Variants in ADAM7 observed in about 807,000 individuals in gnomAD.
ADAM7 encodes disintegrin and metalloproteinase domain-containing protein 7.
In ADAM7, 97 loss-of-function variants were observed where a neutral mutation model predicts 102.9. The ratio of observed to expected loss-of-function variants is 0.94; its 90% CI spans 0.80 to 1.12. ADAM7 has a LOEUF of 1.12. Ranked by LOEUF, ADAM7 falls within the 50% of genes most tolerant of loss-of-function variation. The pLI is 0.00. For missense variants in ADAM7, 991 were observed against 908.7 expected, an observed-to-expected ratio of 1.09 and a Z score of -1.16; for synonymous variants, 334 against 304.4, an observed-to-expected ratio of 1.10 and a Z score of -1.01.
intron 20 of ADAM7, chr8:24,506,061 T>C: frequency 1.3e-6 from 2 of 1,491,612 alleles, no homozygotes; most frequent in East Asian, 2.5e-5. Context: ...TTACTAGGAA[T>C]TGCAGGTTAA....
intron 7 of ADAM7, chr8:24,476,022 C>T (rs1477223615): frequency 2.2e-6 from 1 of 454,044 alleles, no homozygotes; most frequent in Middle Eastern, 3.3e-4. Context: ...TTGTGAACAC[C>T]AAGGACACAG....
chr8:24,471,323 A>G (rs1210635320), intron 7 of ADAM7, among the ~76,000 whole-genome samples: 1 of 152,102 alleles, frequency 6.6e-6, no homozygotes, highest in Non-Finnish European at 1.5e-5. Context: ...AGCCAAGTAT[A>G]GAGTGTTTAC....
intron 5 of ADAM7, 114 bp downstream of exon 5, chr8:24,465,889 A>C (rs1819408298): frequency 2.9e-6 from 2 of 690,234 alleles, no homozygotes; most frequent in Non-Finnish European, 4.4e-6. Flanking sequence ...TTAATGAGAA[A>C]AAAGCTGCTG....
chr8:24,505,088 T>C (rs555429804), intron 20 of ADAM7, among the ~76,000 whole-genome samples: 3 of 152,252 alleles, frequency 2.0e-5, no homozygotes, highest in African/African-American at 4.8e-5. Context: ...CTTAGCACAG[T>C]GATTGGTATA....
intron 8 of ADAM7, among the ~76,000 whole-genome samples, chr8:24,477,992 C>G (rs186517553): frequency 6.6e-6 from 1 of 151,916 alleles, no homozygotes; most frequent in African/African-American, 2.4e-5. Context: ...ATTCCCTCAT[C>G]TTTTCAAGCT....
At chr8:24,506,306 A>C in intron 20 of ADAM7, 4 of 673,900 alleles carry the variant, frequency 5.9e-6, no homozygotes, top group South Asian at 1.9e-5. Flanking sequence ...GGACACTCTG[A>C]CACTCTGGCA....
intron 19 of ADAM7, 147 bp from the exon 20 acceptor site, chr8:24,501,330 A>G (rs1820752711): frequency 5.3e-6 from 3 of 563,328 alleles, no homozygotes; most frequent in African/African-American, 3.9e-5. Flanking sequence ...TAGACAATAT[A>G]AAAAAGCATT....
intron 4 of ADAM7, among the ~76,000 whole-genome samples, chr8:24,464,995 C>A (rs1041619170): frequency 6.6e-6 from 1 of 152,162 alleles, no homozygotes; most frequent in African/African-American, 2.4e-5. Context: ...CCATGTTGGC[C>A]AGGATGGTCT....
Position 24,482,320 on chromosome 8 carries a change from T to C in ADAM7, c.875+9T>C. The C allele has an allele frequency of 1.3e-6, 2 of 1,599,440 alleles. No individual in the cohort carries two copies. Among genetic ancestry groups the C allele is most frequent in the South Asian group, 1.2e-5 (1 of 86,692 alleles). On this transcript the variant is annotated intron_variant, in intron 9 of 21. Coordinates refer to ENST00000175238, the MANE Select transcript of ADAM7 (RefSeq NM_003817.4). The stretch of plus-strand genomic sequence containing the variant: ...CATGTTGTATTACTCAGGTTGGTGA[T>C]TGCTCTATTTTCTTGCATACCTTTG...
At chr8:24,477,675 T>C (rs1435628173) in intron 8 of ADAM7, among the ~76,000 whole-genome samples, 2 of 152,000 alleles carry the variant, frequency 1.3e-5, no homozygotes, top group African/African-American at 2.4e-5. Context: ...TATTGATCAT[T>C]CAAATATTTC....
chr8:24,500,756 C>A, intron 18 of ADAM7, 34 bp from the exon 19 acceptor site: 1 of 1,544,358 alleles, frequency 6.5e-7, no homozygotes, highest in South Asian at 1.1e-5. Context: ...ACAACTGATA[C>A]CCTCGATGAA....
chr8:24,453,721 G>C (rs192102159), intron 3 of ADAM7, among the ~76,000 whole-genome samples: 1 of 152,294 alleles, frequency 6.6e-6, no homozygotes, highest in African/African-American at 2.4e-5. Flanking sequence ...GAGGAGGAGA[G>C]GCGCTCTCCT....
chr8:24,494,439 C>T (rs1294001616), intron 16 of ADAM7, among the ~76,000 whole-genome samples: 1 of 151,528 alleles, frequency 6.6e-6, no homozygotes, highest in Non-Finnish European at 1.5e-5. Context: ...ACCTCAGATA[C>T]GAAAAACCAG....
chr8:24,487,621 G>A (rs1388042639), intron 11 of ADAM7, among the ~76,000 whole-genome samples: 2 of 144,328 alleles, frequency 1.4e-5, no homozygotes, highest in Non-Finnish European at 3.0e-5. Flanking sequence ...GGCAACAAGA[G>A]CAAAACTCCA....
At chr8:24,487,165 A>T (rs372032379) in intron 10 of ADAM7, 22 bp from the exon 11 acceptor site, 232 of 1,610,804 alleles carry the variant, frequency 1.4e-4, no homozygotes, top group Non-Finnish European at 1.8e-4. Context: ...GAAAATTTCT[A>T]ATGCAATTGT....
At chr8:24,471,789 A>T (rs542834169) in intron 7 of ADAM7, among the ~76,000 whole-genome samples, 84 of 152,124 alleles carry the variant, frequency 5.5e-4, no homozygotes, top group African/African-American at 1.7e-3. Flanking sequence ...ACAAAAACAG[A>T]AAAAAATATG....
At chr8:24,464,367 C>T (rs913190713) in intron 4 of ADAM7, among the ~76,000 whole-genome samples, 1 of 152,108 alleles carries the variant, frequency 6.6e-6, no homozygotes, top group South Asian at 2.1e-4. Context: ...CATCCCCTTG[C>T]CCGGTTTTTC....
At position 24,490,022 on chromosome 8, in the gene ADAM7, T is replaced by C. The variant is rs543269723; in HGVS notation, c.1266+689T>C. Among the ~76,000 whole-genome samples, 67 of 152,270 alleles carry C rather than the reference T, an allele frequency of 4.4e-4. 1 individual carries two copies. The South Asian group carries it at 0.013, about 30-fold the overall frequency. On this transcript the variant is annotated intron_variant, in intron 12 of 21. Transcript: ENST00000175238. ...AGTATGGAGTGGTTCTGAGATTCTG[T>C]ACACCTACCTAGCTTCAAGGTTACA...
At chr8:24,484,104 T>C (rs1324164403) in intron 9 of ADAM7, among the ~76,000 whole-genome samples, 1 of 152,186 alleles carries the variant, frequency 6.6e-6, no homozygotes, top group Non-Finnish European at 1.5e-5. Flanking sequence ...AAGATTATTC[T>C]TGTCCTGGCG....
Sources: gnomAD v4.1 joint callset for allele counts (sites outside exome capture counted in the v4.1 genomes callset) on GRCh38, gnomAD v4.1.1 for gene constraint, MANE v1.5 for transcripts, NCBI Gene and HGNC (gene_info 2026-07-23, HGNC 2026-07-21) for gene names.